AARS1: variants seen among roughly 807,000 people sequenced by gnomAD.
The protein encoded by AARS1 is alanyl-tRNA synthetase 1, also known as alanine--tRNA ligase, cytoplasmic.
AARS1 carries 72 observed loss-of-function variants against 108.9 expected under a neutral mutation model. The ratio of observed to expected loss-of-function variants is 0.66; its 90% CI spans 0.55 to 0.80. AARS1 has a LOEUF of 0.80. AARS1 is among the 30% of genes least tolerant of loss of function. The pLI, the probability that AARS1 is intolerant of heterozygous loss-of-function variation, is 0.00. For missense variants in AARS1, 1,193 were observed against 1,233.2 expected (o/e 0.97, Z 0.49); for synonymous variants, 489 against 465.7 (o/e 1.05, Z -0.64).
At chr16:70,273,778 G>A (rs1203027719) in intron 4 of AARS1, among the ~76,000 whole-genome samples, 1 of 144,964 alleles carries the variant, frequency 6.9e-6, no homozygotes, top group Non-Finnish European at 1.5e-5. Flanking sequence ...CAGGAGAATG[G>A]CATGAACCCG....
In AARS1 at chr16:70,262,916, C is replaced by T. The variant is rs527527141; in HGVS notation, c.1493-392G>A. Among the ~76,000 whole-genome samples, 376 of 124,478 alleles carry T rather than the reference C, an allele frequency of 3.0e-3. 1 individual carries two copies. The highest frequency in any genetic ancestry group is 4.2e-3 in the Non-Finnish European group (266 of 63,262). 81.7% of individuals were successfully genotyped at this position (124,478 alleles called of 152,430 possible). A position where few individuals can be genotyped will look rare whatever the true frequency, so the allele number is the denominator to read the frequency against. ...CCAGGAGGCGGAGCTTGCAGTGAGC[C>T]GAGATTGTGCCACTCCACTCCAGCC... is the stretch of plus-strand genomic sequence containing the variant. On this transcript the variant is annotated intron_variant, in intron 11 of 20. Transcript: ENST00000261772.
At position 70,274,500 on chromosome 16, in the gene AARS1, T is replaced by C. The variant is rs1221595136; in HGVS notation, c.479+1986A>G. On this transcript the variant is annotated intron_variant, in intron 4 of 20. Coordinates refer to ENST00000261772, the MANE Select transcript of AARS1 (RefSeq NM_001605.3). ...CAGCACTTTGGGAGGCCGAGGCGTG[T>C]GGATCACCAGGTCAGGAGTTCAAGA... is the stretch of plus-strand genomic sequence containing the variant. 2.0e-5 allele frequency among the ~76,000 whole-genome samples: 3 copies of C among 151,636 alleles called. 1 individual carries two copies. The highest frequency in any genetic ancestry group is 7.3e-5 in the African/African-American group (3 of 41,344).
At chr16:70,285,078 A>G (rs180938548) in intron 1 of AARS1, among the ~76,000 whole-genome samples, 172 of 152,232 alleles carry the variant, frequency 1.1e-3, no homozygotes, top group Middle Eastern at 0.01. Context: ...AAAATACAAA[A>G]ATTAGCCGGG....
intron 1 of AARS1, among the ~76,000 whole-genome samples, chr16:70,286,576 G>A (rs1168327011): frequency 2.6e-5 from 4 of 152,084 alleles, no homozygotes; most frequent in South Asian, 2.1e-4. Flanking sequence ...GGTGGCTCAC[G>A]CCTATAATCC....
At chr16:70,265,206 G>C in intron 10 of AARS1, 104 bp from the exon 11 acceptor site, 1 of 1,440,416 alleles carries the variant, frequency 6.9e-7, no homozygotes, top group Non-Finnish European at 9.7e-7. Context: ...TGCCAGAACA[G>C]GGTTTTTCAA....
intron 2 of AARS1, among the ~76,000 whole-genome samples, chr16:70,280,748 C>T (rs565764160): frequency 1.3e-5 from 2 of 152,302 alleles, no homozygotes; most frequent in East Asian, 1.9e-4. Context: ...TCCTCTTAAA[C>T]TCCTTTATAA....
rs762734676 is a variant in AARS1 at position 70,261,088 on chromosome 16, C to T, written c.1741G>A (p.Gly581Ser). The T allele has an allele frequency of 1.9e-6, 3 of 1,613,788 alleles. No homozygotes were observed. The highest frequency in any genetic ancestry group is 1.7e-6 in the Non-Finnish European group (2 of 1,179,846). The change falls in exon 13 of 21, where the codon GGT becomes AGT. Residue 581 changes from glycine to serine, a missense_variant. Transcript: ENST00000261772. ...GYVLHIGTIY[G>S]DLKVGDQVWL... ...ACCTGATCCCCCACTTTCAGGTCAC[C>T]GTAGATGGTTCCAATGTGTAGCACA...
chr16:70,273,597 T>A (rs1400439899), intron 4 of AARS1, among the ~76,000 whole-genome samples: 1 of 152,048 alleles, frequency 6.6e-6, no homozygotes, highest in Admixed American at 6.6e-5. Flanking sequence ...GCGCAGTGGC[T>A]CACGCCTGTA....
chr16:70,267,565 A>G lies in AARS1; in HGVS notation c.1222+94T>C, dbSNP rs937794054. The G allele has an allele frequency of 6.1e-6, 9 of 1,480,778 alleles. No individual in the cohort carries two copies. In the African/African-American group the frequency reaches 1.1e-4, roughly 18 times the overall value. 91.7% of individuals were successfully genotyped at this position (1,480,778 alleles called of 1,614,324 possible). On this transcript the variant is annotated intron_variant, in intron 9 of 20. Transcript: ENST00000261772. ...AATCAAGCTATGTTCAGCCTCAGAG[A>G]CATGAGAGCCCACAGTCAGTCTGTC...
At chr16:70,261,831 G>A (rs1305214722) in intron 12 of AARS1, among the ~76,000 whole-genome samples, 1 of 151,668 alleles carries the variant, frequency 6.6e-6, no homozygotes, top group African/African-American at 2.4e-5. Flanking sequence ...CACCATACCT[G>A]GCTAATTTTT....
chr16:70,282,910 C>A, intron 1 of AARS1, 126 bp from the exon 2 acceptor site: 1 of 901,030 alleles, frequency 1.1e-6, no homozygotes, highest in Admixed American at 2.0e-5. Context: ...GATCCTAAAA[C>A]CTCTATGTTG....
chr16:70,262,287 C>T, intron 12 of AARS1, 59 bp downstream of exon 12: 1 of 1,605,638 alleles, frequency 6.2e-7, no homozygotes, highest in African/African-American at 1.3e-5. Context: ...GGGGCAAAAG[C>T]AGCTCCCCGG....
chr16:70,271,780 C>T lies in AARS1; in HGVS notation c.671+1G>A. 1 of 1,613,902 alleles carries T rather than the reference C, an allele frequency of 6.2e-7. No homozygotes were observed. Among genetic ancestry groups the T allele is most frequent in the South Asian group, 1.1e-5 (1 of 91,074 alleles). On this transcript the variant is annotated splice_donor_variant, in intron 5 of 20. Coordinates refer to ENST00000261772, the MANE Select transcript of AARS1 (RefSeq NM_001605.3). LOFTEE classifies it high-confidence loss of function. ...GGAATGGAGTAGGAACCCAAGGCTA[C>T]CTGTTATACTGGATGAACACAAGGT...
chr16:70,277,036 A>T lies in AARS1; in HGVS notation c.263T>A (p.Val88Glu), dbSNP rs1422754404. 6.2e-7 allele frequency: 1 copy of T among 1,614,174 alleles called. No homozygotes were observed. The highest frequency in any genetic ancestry group is 8.5e-7 in the Non-Finnish European group (1 of 1,180,028). The stretch of plus-strand genomic sequence containing the variant: ...GGTGTGATGATAGACATCCTTGCCC[A>T]CATCGTCCAGGTCATTATGTTTGCC... ...AGGKHNDLDDVGKDVYHHTFF... is the reference protein window; with the variant it reads ...AGGKHNDLDDEGKDVYHHTFF... Residue 88 changes from valine (V) to glutamate (E), a missense_variant, in exon 3 of 21, where the codon GTG becomes GAG. Transcript: ENST00000261772.
chr16:70,255,629 C>G, intron 16 of AARS1, 99 bp downstream of exon 16: 1 of 1,106,660 alleles, frequency 9.0e-7, no homozygotes, highest in Non-Finnish European at 1.4e-6. Context: ...TTCACTCTGA[C>G]TGCAGCAGCC....
chr16:70,288,943 C>A (rs928404973), intron 1 of AARS1, among the ~76,000 whole-genome samples: 1 of 152,114 alleles, frequency 6.6e-6, no homozygotes, highest in African/African-American at 2.4e-5. Flanking sequence ...GTATACTAAT[C>A]CTTTAACACC....
At chr16:70,279,376 AG>A (rs1442291175) in intron 2 of AARS1, among the ~76,000 whole-genome samples, 2 of 132,938 alleles carry the variant, frequency 1.5e-5, no homozygotes, top group Admixed American at 7.9e-5. Flanking sequence ...AAAAAAAAAA[AG>A]GGCCAGGTGC....
intron 12 of AARS1, among the ~76,000 whole-genome samples, chr16:70,261,760 C>A (rs930853810): frequency 1.3e-5 from 2 of 150,160 alleles, no homozygotes; most frequent in African/African-American, 4.9e-5. Flanking sequence ...ACCACCCTCT[C>A]CTGGGTTCAA....
intron 8 of AARS1, among the ~76,000 whole-genome samples, chr16:70,268,023 C>G (rs1395376964): frequency 6.6e-6 from 1 of 152,158 alleles, no homozygotes; most frequent in Non-Finnish European, 1.5e-5. Flanking sequence ...AAAAGATTAG[C>G]CAGGCTTGGC....
Sources: allele counts gnomAD v4.1 joint callset (sites outside exome capture counted in the v4.1 genomes callset), GRCh38; gene constraint gnomAD v4.1.1; transcripts MANE v1.5; gene names NCBI Gene and HGNC (gene_info 2026-07-23, HGNC 2026-07-21).